The following TXK variants were observed in gnomAD, a reference collection of about 807,000 sequenced individuals.
TXK encodes tyrosine-protein kinase TXK.
A neutral mutation model predicts 81.0 loss-of-function variants in TXK; 60 were observed. The observed-to-expected ratio is 0.74, with a 90% CI of 0.60 to 0.92. The LOEUF is 0.92. TXK is among the 40% of genes least tolerant of loss of function. The pLI, the probability that TXK is intolerant of heterozygous loss-of-function variation, is 0.00. For missense variants in TXK, 581 were observed against 638.3 expected, an observed-to-expected ratio of 0.91 and a Z score of 0.97; for synonymous variants, 203 against 210.7, an observed-to-expected ratio of 0.96 and a Z score of 0.32.
intron 6 of TXK, among the ~76,000 whole-genome samples, chr4:48,095,802 G>A (rs1271849292): frequency 6.6e-6 from 1 of 152,170 alleles, no homozygotes; most frequent in Non-Finnish European, 1.5e-5. Context: ...GAACATGATA[G>A]TAAATCTGAA....
intron 1 of TXK, among the ~76,000 whole-genome samples, chr4:48,115,997 G>A (rs193143468): frequency 6.6e-6 from 1 of 152,328 alleles, no homozygotes; most frequent in Non-Finnish European, 1.5e-5. Flanking sequence ...CATTCACTTT[G>A]AGGGGAGACA....
chr4:48,076,796 T>G (rs955023864), intron 11 of TXK, among the ~76,000 whole-genome samples: 4 of 152,150 alleles, frequency 2.6e-5, no homozygotes, highest in Admixed American at 2.6e-4. Flanking sequence ...ACCCAGCTAA[T>G]TTTTCTATTT....
chr4:48,114,378 C>A lies in TXK; in HGVS notation c.41G>T (p.Cys14Phe). The change falls in exon 2 of 15, where the codon TGT becomes TTT. Residue 14 changes from cysteine to phenylalanine, a missense_variant. Coordinates refer to ENST00000264316, the MANE Select transcript of TXK (RefSeq NM_003328.3). ...CTGCACTGAACAGCAACAGCAGCAA[C>A]AGAAAACCGACTGGATGGTGTTATC... ...SSYNTIQSVF[C>F]CCCCCSVQKR... is the part of the protein sequence containing the mutation. 2.5e-6 allele frequency: 4 copies of A among 1,614,112 alleles called. No homozygotes were observed. Among genetic ancestry groups the A allele is most frequent in the Non-Finnish European group, 3.4e-6 (4 of 1,180,016 alleles).
At chr4:48,112,803 T>G (rs1208581159) in intron 3 of TXK, among the ~76,000 whole-genome samples, 1 of 152,064 alleles carries the variant, frequency 6.6e-6, no homozygotes, top group Admixed American at 6.5e-5. Flanking sequence ...TCTTCAATAG[T>G]TTTACCTTGT....
intron 9 of TXK, chr4:48,089,398 C>G: frequency 1.4e-5 from 2 of 139,352 alleles, no homozygotes; most frequent in African/African-American, 2.6e-5. Flanking sequence ...TTTTTTTTTT[C>G]CTTTTTTTTT....
At chr4:48,070,751 G>C (rs1716812808) in intron 14 of TXK, among the ~76,000 whole-genome samples, 1 of 151,806 alleles carries the variant, frequency 6.6e-6, no homozygotes, top group Non-Finnish European at 1.5e-5. Flanking sequence ...GCTAATTTTT[G>C]TATTTTTAGT....
At chr4:48,103,944 T>C (rs183682797) in intron 6 of TXK, among the ~76,000 whole-genome samples, 2 of 151,886 alleles carry the variant, frequency 1.3e-5, no homozygotes, top group East Asian at 3.9e-4. Flanking sequence ...GGCTCACACC[T>C]GTAATCTCAG....
intron 6 of TXK, 31 bp from the exon 7 acceptor site, chr4:48,095,253 T>TA (rs760943516): frequency 1.9e-6 from 3 of 1,559,378 alleles, no homozygotes; most frequent in Non-Finnish European, 2.6e-6. Context: ...TGAATAAGTC[T>TA]ATTCCTTCTT....
In TXK at chr4:48,094,129, G is replaced by C. The variant is rs768597071; in HGVS notation, c.657C>G (p.His219Gln). ...TTAACTCAGGGATTGATTGAAAGGC[G>C]TGTCTTTCAGCCACATACCACTGTC... ...DSGQWYVAER[H>Q]AFQSIPELIW... The change falls in exon 8 of 15, where the codon CAC becomes CAG. Residue 219 changes from histidine (H) to glutamine (Q), a missense_variant. By Grantham distance (24) the His-to-Gln change is conservative. Coordinates refer to ENST00000264316, the MANE Select transcript of TXK (RefSeq NM_003328.3). The C allele has an allele frequency of 6.2e-7, 1 of 1,613,590 alleles. No individual in the cohort carries two copies. The highest frequency in any genetic ancestry group is 8.5e-7 in the Non-Finnish European group (1 of 1,179,802).
At chr4:48,114,213 A>G (rs1037213961) in intron 2 of TXK, 135 bp downstream of exon 2, 1 of 806,732 alleles carries the variant, frequency 1.2e-6, no homozygotes, top group African/African-American at 1.7e-5. Flanking sequence ...ACAAATAGGC[A>G]TTCCACAGGG....
intron 1 of TXK, among the ~76,000 whole-genome samples, chr4:48,128,080 C>T (rs987635745): frequency 9.0e-4 from 137 of 152,148 alleles, no homozygotes; most frequent in African/African-American, 3.3e-3. Flanking sequence ...GAAGCAAAGC[C>T]GCTGTCGCTT....
Position 48,094,078 on chromosome 4 carries a change from G to T in TXK, c.708C>A (p.Ala236=). The change falls in exon 8 of 15, where the codon GCC becomes GCA. Residue 236 remains alanine, a splice_region_variant and synonymous_variant. Transcript: ENST00000264316. ...CCCAGCTGGAAGTTCCCCTCTTACC[G>T]GCTGCATTGTGCTGGTGATACCAGA... ...ELIWYHQHNA[A]GLMTRLRYPV... 1 of 1,613,292 alleles carries T rather than the reference G, an allele frequency of 6.2e-7. No individual in the cohort carries two copies. Among genetic ancestry groups the T allele is most frequent in the East Asian group, 2.2e-5 (1 of 44,882 alleles).
intron 6 of TXK, among the ~76,000 whole-genome samples, chr4:48,100,440 A>G (rs979385461): frequency 3.9e-5 from 6 of 152,212 alleles, no homozygotes; most frequent in Non-Finnish European, 2.9e-5. Context: ...TATAAAATTT[A>G]GCATATAAAA....
At chr4:48,130,965 G>C (rs1474817518) in intron 1 of TXK, among the ~76,000 whole-genome samples, 1 of 152,108 alleles carries the variant, frequency 6.6e-6, no homozygotes, top group Non-Finnish European at 1.5e-5. Context: ...CTCTAAGTTG[G>C]GAATAAAGAA....
At chr4:48,129,599 T>C (rs1201588163) in intron 1 of TXK, among the ~76,000 whole-genome samples, 2 of 152,118 alleles carry the variant, frequency 1.3e-5, no homozygotes, top group African/African-American at 4.8e-5. Flanking sequence ...AAAGGTGCTG[T>C]AAGGAAAGGC....
chr4:48,079,792 T>C, intron 11 of TXK, 120 bp downstream of exon 11: 1 of 767,612 alleles, frequency 1.3e-6, no homozygotes. Flanking sequence ...ATTGCATGAA[T>C]AGGTAAATGT....
At chr4:48,073,115 C>CA (rs376780167) in intron 13 of TXK, among the ~76,000 whole-genome samples, 112 of 124,192 alleles carry the variant, frequency 9.0e-4, no homozygotes, top group African/African-American at 3.2e-3. Flanking sequence ...TTTGTAAAGA[C>CA]AGAGTCTTGC....
chr4:48,123,358 T>C (rs1260789282), intron 1 of TXK, among the ~76,000 whole-genome samples: 3 of 152,192 alleles, frequency 2.0e-5, no homozygotes, highest in African/African-American at 7.2e-5. Flanking sequence ...AACAGAATTA[T>C]CATCTTCCTC....
chr4:48,076,151 T>C (rs1048240945), intron 12 of TXK, among the ~76,000 whole-genome samples: 5 of 152,230 alleles, frequency 3.3e-5, no homozygotes, highest in African/African-American at 1.2e-4. Context: ...ATTCCTTTTT[T>C]AATTTTAAGA....
Sources: gnomAD v4.1 joint callset for allele counts (sites outside exome capture counted in the v4.1 genomes callset) on GRCh38, gnomAD v4.1.1 for gene constraint, MANE v1.5 for transcripts, NCBI Gene and HGNC (gene_info 2026-07-23, HGNC 2026-07-21) for gene names.